The following GSDME variants were observed in gnomAD, a reference collection of about 807,000 sequenced individuals.
GSDME encodes gasdermin E.
GSDME carries 44 observed loss-of-function variants against 47.5 expected under a neutral mutation model. The ratio of observed to expected loss-of-function variants is 0.93; its 90% CI spans 0.73 to 1.19. The LOEUF is 1.19. Among genes scored for constraint, GSDME ranks in the 50% most tolerant of loss-of-function variants. GSDME has a pLI of 0.00. For missense variants in GSDME, 663 were observed against 604.2 expected (o/e 1.10, Z -1.02); for synonymous variants, 258 against 252.8 (o/e 1.02, Z -0.20).
chr7:24,757,485 C>A (rs1011497074), upstream of GSDME: 1 of 151,602 alleles, frequency 6.6e-6, no homozygotes, highest in African/African-American at 2.4e-5. The surrounding 1 kb of genome is among the most constrained non-coding windows in gnomAD (Gnocchi z 5.9). Flanking sequence ...GGGGCGGGCG[C>A]TTGGGGAGGG....
chr7:24,703,011 T>C, intron 8 of GSDME, 178 bp from the exon 9 acceptor site: 2 of 574,982 alleles, frequency 3.5e-6, no homozygotes, highest in South Asian at 1.6e-5. Context: ...AAAGACCTTG[T>C]AGAAAACAGA....
chr7:24,738,990 A>G (rs1029223668), intron 3 of GSDME, among the ~76,000 whole-genome samples: 15 of 152,362 alleles, frequency 9.8e-5, no homozygotes, highest in South Asian at 8.3e-4. Context: ...ATCAAAATGG[A>G]TTAAACACTT....
At chr7:24,722,604 C>A (rs112164617) in intron 3 of GSDME, among the ~76,000 whole-genome samples, 1 of 152,218 alleles carries the variant, frequency 6.6e-6, no homozygotes. Flanking sequence ...CTTTAGGAGT[C>A]TGATGTGACT....
In GSDME at chr7:24,739,724, A is replaced by T. The variant is rs1790425297; in HGVS notation, c.404+4838T>A. Among the ~76,000 whole-genome samples, 3 of 152,222 alleles carry T rather than the reference A, an allele frequency of 2.0e-5. No homozygotes were observed. Among genetic ancestry groups the T allele is most frequent in the Admixed American group, 6.5e-5 (1 of 15,288 alleles). On this transcript the variant is annotated intron_variant, in intron 3 of 9. Coordinates refer to ENST00000645220, the MANE Select transcript of GSDME (RefSeq NM_001127453.2). The surrounding 1 kb of genome is among the most constrained non-coding windows in gnomAD (Gnocchi z 5.1). ...GTCACAATAGTCAAAATTTGGAAACAACCTAATCCTCAATAGATGAATAAA... is the reference window on the plus strand; with the variant it reads ...GTCACAATAGTCAAAATTTGGAAACTACCTAATCCTCAATAGATGAATAAA...
intron 1 of GSDME, among the ~76,000 whole-genome samples, chr7:24,755,799 TG>T (rs1790996564): frequency 6.6e-6 from 1 of 152,190 alleles, no homozygotes; most frequent in South Asian, 2.1e-4. Flanking sequence ...AAAGTGCCCT[TG>T]AAAAAGGTAA....
chr7:24,744,545 C>T lies in GSDME; in HGVS notation c.404+17G>A. On this transcript the variant is annotated intron_variant, in intron 3 of 9. Coordinates refer to ENST00000645220, the MANE Select transcript of GSDME (RefSeq NM_001127453.2). The surrounding 1 kb of genome is among the most constrained non-coding windows in gnomAD (Gnocchi z 4.5). ...TGAGATGTGTCAAAATCCAAAATGC[C>T]AAACAAGTCTCCTTACCTCTCGGCA... The T allele has an allele frequency of 1.2e-6, 2 of 1,613,998 alleles. No homozygotes were observed. The highest frequency in any genetic ancestry group is 1.7e-6 in the Non-Finnish European group (2 of 1,179,964).
Position 24,698,878 on chromosome 7 carries a change from T to C in GSDME, c.*148A>G. ...TTAAAGAGTACCTGGTGGCTAAAAG[T>C]CAGGTCATTCATCATGCAAAATGTC... is the stretch of plus-strand genomic sequence containing the variant. On this transcript the variant is annotated 3_prime_UTR_variant, in exon 10 of 10. Transcript: ENST00000645220. The C allele has an allele frequency of 2.8e-6, 2 of 708,394 alleles. No homozygotes were observed. The highest frequency in any genetic ancestry group is 5.1e-6 in the Non-Finnish European group (2 of 395,394). The allele number at this position is 708,394 out of a possible 1,614,324, so 43.9% of individuals were successfully genotyped here. A position where few individuals can be genotyped will look rare whatever the true frequency, so the allele number is the denominator to read the frequency against.
chr7:24,762,288 A>G (rs1489917060), upstream of GSDME, among the ~76,000 whole-genome samples: 1 of 151,382 alleles, frequency 6.6e-6, no homozygotes, highest in Non-Finnish European at 1.5e-5. Flanking sequence ...GTGGCATTAC[A>G]TAAACAAAGT....
intron 3 of GSDME, among the ~76,000 whole-genome samples, chr7:24,720,596 A>C (rs892553133): frequency 2.0e-5 from 3 of 152,260 alleles, no homozygotes; most frequent in Non-Finnish European, 4.4e-5. Context: ...ATAGTCATAT[A>C]ATGAGATATC....
rs1790793663 is a variant in GSDME, at chr7:24,749,694, G to T, written c.81C>A (p.Asp27Glu). The T allele has an allele frequency of 6.2e-7, 1 of 1,614,004 alleles. No individual in the cohort carries two copies. The highest frequency in any genetic ancestry group is 8.5e-7 in the Non-Finnish European group (1 of 1,179,934). Residue 27 changes from aspartate (D) to glutamate (E), a missense_variant, in exon 2 of 10, where the codon GAC (aspartate) becomes GAA (glutamate). Coordinates refer to ENST00000645220, the MANE Select transcript of GSDME (RefSeq NM_001127453.2). ...GDLIAVSNLNDSDKLQLLSLV... is the reference protein window; with the variant it reads ...GDLIAVSNLNESDKLQLLSLV... ...GACTTAGAAGCTGTAACTTATCAGA[G>T]TCATTCAGATTTGATACTGCAATCA...
upstream of GSDME, chr7:24,757,838 G>C (rs985857221): frequency 6.6e-6 from 1 of 152,394 alleles, no homozygotes. The surrounding 1 kb of genome is among the most constrained non-coding windows in gnomAD (Gnocchi z 5.9). Context: ...GCCACCCACA[G>C]TGGAGTGTGG....
chr7:24,746,925 C>A (rs1193830293), intron 2 of GSDME, among the ~76,000 whole-genome samples: 1 of 152,192 alleles, frequency 6.6e-6, no homozygotes, highest in Admixed American at 6.5e-5. Context: ...CCTGACTCTA[C>A]CCAGTAGACA....
chr7:24,738,712 C>T (rs1417871423), intron 3 of GSDME, among the ~76,000 whole-genome samples: 2 of 152,178 alleles, frequency 1.3e-5, no homozygotes, highest in Middle Eastern at 3.2e-3. Flanking sequence ...GGATGAATCA[C>T]ATTACCTGAC....
rs370144568 is a variant in GSDME, at chr7:24,743,408, CAT to C, written c.404+1152_404+1153del. On this transcript the variant is annotated intron_variant, in intron 3 of 9. Coordinates refer to ENST00000645220, the MANE Select transcript of GSDME (RefSeq NM_001127453.2). The stretch of plus-strand genomic sequence containing the variant: ...CAACAAAATTACACAGGAAAATGCA[CAT>C]GTTACTGTACAAACTGAAATATCAT... 1.0e-3 allele frequency among the ~76,000 whole-genome samples: 157 copies of C among 152,288 alleles called. 2 individuals are homozygous for C. Among genetic ancestry groups the C allele is most frequent in the African/African-American group, 8.4e-4 (35 of 41,554 alleles).
At position 24,712,595 on chromosome 7, in the gene GSDME, G is replaced by A. The variant is rs1391671310; in HGVS notation, c.698-2207C>T. ...GACTACAACCAGGCCTTGACGATGAGTGTGGTAAGAGTGGGGACAGCGGTT... is the reference window on the plus strand; with the variant it reads ...GACTACAACCAGGCCTTGACGATGAATGTGGTAAGAGTGGGGACAGCGGTT... On this transcript the variant is annotated intron_variant, in intron 5 of 9. Coordinates refer to ENST00000645220, the MANE Select transcript of GSDME (RefSeq NM_001127453.2). This position sits in a 1 kb window ranked among gnomAD's most constrained non-coding sequence, Gnocchi z 4.4. Among the ~76,000 whole-genome samples, 1 of 152,252 alleles carries A rather than the reference G, an allele frequency of 6.6e-6. No homozygotes were observed. The highest frequency in any genetic ancestry group is 2.4e-5 in the African/African-American group (1 of 41,472).
rs1789075441 is a variant in GSDME, at chr7:24,705,860, A to G, written c.1183+324T>C. On this transcript the variant is annotated intron_variant, in intron 8 of 9. Coordinates refer to ENST00000645220, the MANE Select transcript of GSDME (RefSeq NM_001127453.2). This position sits in a 1 kb window ranked among gnomAD's most constrained non-coding sequence, Gnocchi z 4.1. ...GTTGCTGCCACTCAGCTCTGCTGGGACTCCGGAGTGAACCACAGCCTGTCA... is the reference window on the plus strand; with the variant it reads ...GTTGCTGCCACTCAGCTCTGCTGGGGCTCCGGAGTGAACCACAGCCTGTCA... The G allele has an allele frequency of 1.9e-5, 8 of 423,252 alleles. No individual in the cohort carries two copies. Among genetic ancestry groups the G allele is most frequent in the Admixed American group, 1.1e-4 (3 of 28,186 alleles). The allele number at this position is 423,252 out of a possible 1,614,324, so 26.2% of individuals were successfully genotyped here.
the GSDME span, among the ~76,000 whole-genome samples, chr7:24,775,515 G>C: frequency 6.6e-6 from 1 of 152,128 alleles, no homozygotes; most frequent in Non-Finnish European, 1.5e-5. Context: ...GAGCTGCTGG[G>C]GACGCCTTGA....
rs752469250 is a variant in GSDME at position 24,745,767 on chromosome 7, G to T, written c.212-1013C>A. 6.6e-6 allele frequency among the ~76,000 whole-genome samples: 1 copy of T among 152,164 alleles called. No individual in the cohort carries two copies. The highest frequency in any genetic ancestry group is 1.5e-5 in the Non-Finnish European group (1 of 68,032). ...GTGAGAGGATCACCTGAACCCAGGA[G>T]TATAAGGTTACAAGTGAGCAATGAT... is the stretch of plus-strand genomic sequence containing the variant. On this transcript the variant is annotated intron_variant, in intron 2 of 9. Transcript: ENST00000645220. The surrounding 1 kb of genome is among the most constrained non-coding windows in gnomAD (Gnocchi z 4.4).
chr7:24,702,586 T>C, intron 9 of GSDME, 174 bp downstream of exon 9: 1 of 611,552 alleles, frequency 1.6e-6, no homozygotes, highest in Non-Finnish European at 3.1e-6. Flanking sequence ...GGTCTCAGTC[T>C]TCCCATGGGG....
Sources: gnomAD v4.1 joint callset for allele counts (sites outside exome capture counted in the v4.1 genomes callset) on GRCh38, gnomAD v4.1.1 for gene constraint, Gnocchi (gnomAD v3.1) non-coding constraint, MANE v1.5 for transcripts, NCBI Gene and HGNC (gene_info 2026-07-23, HGNC 2026-07-21) for gene names.